The following CFAP299 variants were observed in gnomAD, a reference collection of about 807,000 sequenced individuals.
The protein encoded by CFAP299 is cilia and flagella associated protein 299, also known as cilia- and flagella-associated protein 299.
In CFAP299, 21 loss-of-function variants were observed where a neutral mutation model predicts 27.0. The observed-to-expected ratio is 0.78, with a 90% confidence interval of 0.55 to 1.12. CFAP299 has a LOEUF of 1.12. CFAP299 is among the 50% of genes most tolerant of loss of function. CFAP299 has a pLI of 0.00. For synonymous variants in CFAP299, 104 were observed against 98.1 expected, an observed-to-expected ratio of 1.06 and a Z score of -0.36; for missense variants, 310 against 276.6, an observed-to-expected ratio of 1.12 and a Z score of -0.86.
At chr4:80,684,675 C>CT (rs34231823) in intron 3 of CFAP299, among the ~76,000 whole-genome samples, 13,860 of 151,846 alleles carry the variant, frequency 0.091, 686 homozygotes, top group Middle Eastern at 0.2. Flanking sequence ...GTTCTAAAAT[C>CT]TTTTTTTTGT....
chr4:80,940,483 G>T (rs569234810), intron 4 of CFAP299, among the ~76,000 whole-genome samples: 7 of 152,296 alleles, frequency 4.6e-5, no homozygotes, highest in Non-Finnish European at 7.3e-5. Context: ...ACCCACTTCA[G>T]TGTGTTTATC....
intron 3 of CFAP299, among the ~76,000 whole-genome samples, chr4:80,708,235 T>G (rs569853552): frequency 1.3e-5 from 2 of 152,242 alleles, no homozygotes; most frequent in African/African-American, 4.8e-5. Context: ...CAACCAATTC[T>G]TCCTTTTGGG....
In CFAP299 at chr4:80,761,696, A is replaced by G. The variant is rs571812797; in HGVS notation, c.334-108297A>G. On this transcript the variant is annotated intron_variant, in intron 3 of 5. Coordinates refer to ENST00000358105, the MANE Select transcript of CFAP299 (RefSeq NM_152770.3). ...CTTTTATTATTGCATTAATAAGAATAAATAATTAGACAAGTGAATAATAAC... is the reference window on the plus strand; with the variant it reads ...CTTTTATTATTGCATTAATAAGAATGAATAATTAGACAAGTGAATAATAAC... Among the ~76,000 whole-genome samples the G allele has an allele frequency of 1.2e-4, 18 of 152,198 alleles. No homozygotes were observed. In the South Asian group the frequency reaches 3.7e-3, roughly 32 times the overall value.
intron 4 of CFAP299, among the ~76,000 whole-genome samples, chr4:80,893,456 C>T (rs556512762): frequency 6.6e-6 from 1 of 151,988 alleles, no homozygotes; most frequent in South Asian, 2.1e-4. Context: ...AGGCATTACA[C>T]TGAGTGATTT....
the CFAP299 span, among the ~76,000 whole-genome samples, chr4:80,327,011 C>T: frequency 6.6e-6 from 1 of 151,990 alleles, no homozygotes; most frequent in South Asian, 2.1e-4. Context: ...TGATTCCTAG[C>T]ATATAGTAGT....
intron 4 of CFAP299, among the ~76,000 whole-genome samples, chr4:80,915,059 T>G (rs1261712883): frequency 2.0e-5 from 3 of 151,982 alleles, no homozygotes; most frequent in Non-Finnish European, 4.4e-5. Context: ...TTTGCTACCG[T>G]TTTCCCCTAA....
chr4:80,537,537 C>T (rs1157402552), intron 2 of CFAP299, among the ~76,000 whole-genome samples: 1 of 152,086 alleles, frequency 6.6e-6, no homozygotes. Context: ...TTTGCAACAA[C>T]ACGGATGAAC....
intron 3 of CFAP299, among the ~76,000 whole-genome samples, chr4:80,656,061 C>T (rs558697658): frequency 6.6e-6 from 1 of 152,120 alleles, no homozygotes; most frequent in East Asian, 1.9e-4. Context: ...ATGCATAAAC[C>T]AATGAGCAGC....
chr4:80,736,190 T>C (rs1723858912), intron 3 of CFAP299, among the ~76,000 whole-genome samples: 1 of 152,194 alleles, frequency 6.6e-6, no homozygotes, highest in Admixed American at 6.5e-5. Context: ...GCCTAGGTTT[T>C]CCTCTAGGGT....
intron 2 of CFAP299, among the ~76,000 whole-genome samples, chr4:80,552,980 A>C (rs1734599541): frequency 6.6e-6 from 1 of 151,794 alleles, no homozygotes; most frequent in African/African-American, 2.4e-5. Flanking sequence ...TGGCCACTGC[A>C]CATAGCCAAT....
At chr4:80,856,248 G>A (rs1731875841) in intron 3 of CFAP299, among the ~76,000 whole-genome samples, 2 of 145,994 alleles carry the variant, frequency 1.4e-5, no homozygotes, top group African/African-American at 5.3e-5. Context: ...ACTTTTTGAT[G>A]GGGTTGTTTT....
At chr4:80,962,476 G>A (rs1738390283) in intron 5 of CFAP299, among the ~76,000 whole-genome samples, 1 of 151,802 alleles carries the variant, frequency 6.6e-6, no homozygotes, top group South Asian at 2.1e-4. Context: ...ACAACTTAAA[G>A]AGCATGGCAC....
At chr4:80,767,475 G>A (rs548080491) in intron 3 of CFAP299, among the ~76,000 whole-genome samples, 1 of 152,092 alleles carries the variant, frequency 6.6e-6, no homozygotes, top group African/African-American at 2.4e-5. Context: ...CAGGCGTGGT[G>A]GTGGACGCCT....
At chr4:80,680,396 G>GT (rs1460531328) in intron 3 of CFAP299, among the ~76,000 whole-genome samples, 2 of 151,874 alleles carry the variant, frequency 1.3e-5, no homozygotes, top group African/African-American at 4.8e-5. Context: ...CTTCTCCAAG[G>GT]TTTTTTTATA....
chr4:80,504,505 A>ATTTTTTTT, intron 2 of CFAP299, among the ~76,000 whole-genome samples: 1 of 110,182 alleles, frequency 9.1e-6, no homozygotes, highest in Non-Finnish European at 1.9e-5. Flanking sequence ...ATATATATAT[A>ATTTTTTTT]TTTTCCTTTG....
At chr4:80,740,123 G>A (rs1724169810) in intron 3 of CFAP299, among the ~76,000 whole-genome samples, 1 of 152,046 alleles carries the variant, frequency 6.6e-6, no homozygotes, top group Non-Finnish European at 1.5e-5. Flanking sequence ...TGTCTGAAAG[G>A]TCATATAACT....
chr4:80,602,732 G>T (rs193049599), intron 3 of CFAP299, among the ~76,000 whole-genome samples: 46 of 152,154 alleles, frequency 3.0e-4, no homozygotes, highest in Admixed American at 2.7e-3. Context: ...GGGCCCAGAG[G>T]CTTCCACTTT....
At chr4:80,834,453 C>T (rs1278411108) in intron 3 of CFAP299, among the ~76,000 whole-genome samples, 1 of 152,158 alleles carries the variant, frequency 6.6e-6, no homozygotes, top group Non-Finnish European at 1.5e-5. Flanking sequence ...AATGTTACAA[C>T]ATCTATTACT....
At chr4:80,474,522 G>A (rs1259271036) in intron 2 of CFAP299, among the ~76,000 whole-genome samples, 2 of 152,138 alleles carry the variant, frequency 1.3e-5, no homozygotes, top group African/African-American at 2.4e-5. Flanking sequence ...GGGACTTTAA[G>A]ATGATTTTCC....
Sources: gnomAD v4.1 joint callset for allele counts (sites outside exome capture counted in the v4.1 genomes callset) on GRCh38, gnomAD v4.1.1 for gene constraint, MANE v1.5 for transcripts, NCBI Gene and HGNC (gene_info 2026-07-23, HGNC 2026-07-21) for gene names.